ABCG2: variants seen among roughly 807,000 people sequenced by gnomAD.
The protein encoded by ABCG2 is broad substrate specificity ATP-binding cassette transporter ABCG2.
ABCG2 carries 80 observed loss-of-function variants against 73.5 expected under a neutral mutation model. The ratio of observed to expected loss-of-function variants is 1.09; its 90% CI spans 0.91 to 1.31. ABCG2 has a LOEUF of 1.31. ABCG2 is among the 50% of genes most tolerant of loss of function. The pLI is 0.00. For synonymous variants in ABCG2, 269 were observed against 282.4 expected (o/e 0.95, Z 0.48); for missense variants, 796 against 786.2 (o/e 1.01, Z -0.15).
At chr4:88,150,987 G>GA (rs1309122282) in intron 1 of ABCG2, among the ~76,000 whole-genome samples, 2 of 152,150 alleles carry the variant, frequency 1.3e-5, no homozygotes, top group African/African-American at 4.8e-5. Flanking sequence ...TGCCCAAACT[G>GA]GGAAAACAAG....
intron 10 of ABCG2, 60 bp downstream of exon 10, chr4:88,107,124 T>A: frequency 7.9e-7 from 1 of 1,264,036 alleles, no homozygotes; most frequent in Non-Finnish European, 1.1e-6. Context: ...CTTAATGGAT[T>A]TCAATAAGCT....
intron 1 of ABCG2, among the ~76,000 whole-genome samples, chr4:88,189,005 C>T (rs1251862923): frequency 7.5e-6 from 1 of 133,110 alleles, no homozygotes; most frequent in African/African-American, 2.7e-5. Context: ...AGAAGCAAGA[C>T]CATGTTTAAA....
At chr4:88,173,362 G>T (rs543505463) in intron 1 of ABCG2, among the ~76,000 whole-genome samples, 59 of 152,230 alleles carry the variant, frequency 3.9e-4, no homozygotes, top group South Asian at 1.4e-3. Flanking sequence ...TATGTTCTGT[G>T]TGATTGCATC....
intron 3 of ABCG2, 81 bp from the exon 4 acceptor site, chr4:88,131,998 A>T: frequency 1.1e-6 from 1 of 910,148 alleles, no homozygotes; most frequent in Non-Finnish European, 1.7e-6. Context: ...CCTCCAACAC[A>T]TGCTATATAT....
At chr4:88,108,888 C>T (rs1292839700) in intron 9 of ABCG2, among the ~76,000 whole-genome samples, 1 of 152,144 alleles carries the variant, frequency 6.6e-6, no homozygotes, top group East Asian at 1.9e-4. Flanking sequence ...TATACTTCAA[C>T]AGACCAAGCT....
At chr4:88,211,468 G>A (rs962954096) in intron 1 of ABCG2, among the ~76,000 whole-genome samples, 1 of 151,262 alleles carries the variant, frequency 6.6e-6, no homozygotes, top group Non-Finnish European at 1.5e-5. Context: ...CCAGGCTGGA[G>A]TGCAATGGCG....
At chr4:88,160,311 A>G (rs1727238825), upstream of ABCG2, among the ~76,000 whole-genome samples, 1 of 152,096 alleles carries the variant, frequency 6.6e-6, no homozygotes, top group Non-Finnish European at 1.5e-5. Flanking sequence ...AAAACTGAAA[A>G]ATCTCCGAAA....
At chr4:88,145,175 C>T (rs1725901966) in intron 1 of ABCG2, among the ~76,000 whole-genome samples, 1 of 152,132 alleles carries the variant, frequency 6.6e-6, no homozygotes, top group East Asian at 1.9e-4. Flanking sequence ...AAATTACATA[C>T]CTCTTTAAAG....
At chr4:88,106,791 A>G (rs1200976783) in intron 10 of ABCG2, among the ~76,000 whole-genome samples, 1 of 152,228 alleles carries the variant, frequency 6.6e-6, no homozygotes, top group Admixed American at 6.5e-5. Flanking sequence ...CTGTAATCCC[A>G]GCACTTTGGG....
chr4:88,133,264 AG>A (rs1214707978), intron 2 of ABCG2, among the ~76,000 whole-genome samples: 1 of 152,218 alleles, frequency 6.6e-6, no homozygotes, highest in African/African-American at 2.4e-5. Flanking sequence ...TACCGGTAGA[AG>A]TATTCTCACT....
At chr4:88,222,728 G>A (rs1459134686) in intron 1 of ABCG2, among the ~76,000 whole-genome samples, 1 of 152,214 alleles carries the variant, frequency 6.6e-6, no homozygotes, top group Non-Finnish European at 1.5e-5. Context: ...TCCCCAGTGG[G>A]GCACCGCCTA....
upstream of ABCG2, chr4:88,158,845 T>C (rs1727144988): frequency 1.2e-5 from 4 of 334,418 alleles, no homozygotes; most frequent in Admixed American, 1.4e-4. Flanking sequence ...GGGGACGAGC[T>C]CAGGCAGCGC....
chr4:88,177,195 A>C (rs1441422413), intron 1 of ABCG2, among the ~76,000 whole-genome samples: 1 of 150,724 alleles, frequency 6.6e-6, no homozygotes, highest in Non-Finnish European at 1.5e-5. Flanking sequence ...ATACGGTGAA[A>C]CCCTGTCTCT....
intron 14 of ABCG2, 66 bp downstream of exon 14, chr4:88,095,454 G>A (rs148642750): frequency 1.4e-6 from 2 of 1,396,868 alleles, no homozygotes; most frequent in African/African-American, 2.8e-5. Context: ...AATGAGATGA[G>A]GACACTTGAT....
At chr4:88,119,156 T>C (rs755591918) in intron 6 of ABCG2, among the ~76,000 whole-genome samples, 3 of 152,216 alleles carry the variant, frequency 2.0e-5, no homozygotes, top group Non-Finnish European at 4.4e-5. Context: ...GTTTTATAAA[T>C]GGGAGTTCCC....
chr4:88,226,653 C>T (rs1399764710), intron 1 of ABCG2: 2 of 152,350 alleles, frequency 1.3e-5, no homozygotes, highest in Admixed American at 6.5e-5. Context: ...GATCTCATAG[C>T]TTGCACATGT....
intron 1 of ABCG2, among the ~76,000 whole-genome samples, chr4:88,205,282 C>T (rs77180571): frequency 0.074 from 11,288 of 152,260 alleles, 648 homozygotes; most frequent in East Asian, 0.32. Context: ...GCAGATTGCT[C>T]TTCCAAGTCT....
intron 5 of ABCG2, among the ~76,000 whole-genome samples, chr4:88,128,932 A>T (rs1482165553): frequency 1.3e-5 from 2 of 152,208 alleles, no homozygotes; most frequent in Non-Finnish European, 2.9e-5. Flanking sequence ...AAATTTTTTA[A>T]AAAAAGCACC....
intron 5 of ABCG2, among the ~76,000 whole-genome samples, chr4:88,128,091 C>T (rs113033839): frequency 0.11 from 16,406 of 151,900 alleles, 2,274 homozygotes; most frequent in African/African-American, 0.32. Context: ...AAAACACAAC[C>T]CCATCAAAAA....
Sources: gnomAD v4.1 joint callset for allele counts (sites outside exome capture counted in the v4.1 genomes callset) on GRCh38, gnomAD v4.1.1 for gene constraint, MANE v1.5 for transcripts, NCBI Gene and HGNC (gene_info 2026-07-23, HGNC 2026-07-21) for gene names.